CWF19L1: variants seen among roughly 807,000 people sequenced by gnomAD.
CWF19L1 encodes the protein CWF19-like protein 1.
A neutral mutation model predicts 69.7 loss-of-function variants in CWF19L1; 60 were observed. That is an observed-to-expected ratio of 0.86 (90% CI 0.70 to 1.07). The LOEUF is 1.07. Ranked by LOEUF, CWF19L1 falls within the 50% of genes least tolerant of loss-of-function variation. CWF19L1 has a pLI of 0.00. For synonymous variants in CWF19L1, 209 were observed against 222.2 expected (o/e 0.94, Z 0.53); for missense variants, 591 against 638.9 (o/e 0.92, Z 0.81).
At chr10:100,246,057 A>G (rs1254685719) in intron 8 of CWF19L1, 144 bp from the exon 9 acceptor site, 3 of 614,036 alleles carry the variant, frequency 4.9e-6, no homozygotes, top group African/African-American at 1.8e-5. Flanking sequence ...GGGAAGCAAA[A>G]TATCTTCCCA....
chr10:100,238,561 C>G (rs1351095332), intron 10 of CWF19L1, among the ~76,000 whole-genome samples: 1 of 152,142 alleles, frequency 6.6e-6, no homozygotes, highest in African/African-American at 2.4e-5. Context: ...TTTTCCCTCC[C>G]ATGCTCCAAA....
chr10:100,246,622 AC>A (rs1846829425), intron 8 of CWF19L1, among the ~76,000 whole-genome samples, 172 bp downstream of exon 8: 1 of 152,222 alleles, frequency 6.6e-6, no homozygotes, highest in African/African-American at 2.4e-5. Context: ...ACCCCAAACT[AC>A]AATAAAAAAC....
Position 100,246,883 on chromosome 10 carries a change from A to C in CWF19L1, c.761T>G (p.Leu254Arg). Reference protein sequence around the residue: ...VPMKLMDAAELVKQPPDVTEN... With the variant: ...VPMKLMDAAERVKQPPDVTEN... ...AGTGACATCCGGAGGCTGTTTTACC[A>C]GTTCTGCTGCATCCATTAGCTTCAT... Residue 254 changes from leucine (L) to arginine (R), a missense_variant, in exon 8 of 14, where the codon CTG becomes CGG. This residue lies in a region of CWF19L1 where 458 missense variants were observed against 489.3 expected (regional missense o/e 0.94). Coordinates refer to ENST00000354105, the MANE Select transcript of CWF19L1 (RefSeq NM_018294.6). The C allele has an allele frequency of 6.2e-7, 1 of 1,614,026 alleles. No homozygotes were observed. The highest frequency in any genetic ancestry group is 8.5e-7 in the Non-Finnish European group (1 of 1,179,890).
In CWF19L1 at chr10:100,245,799, G is replaced by T. The variant is rs557407789; in HGVS notation, c.964C>A (p.Pro322Thr). The T allele has an allele frequency of 4.3e-6, 7 of 1,610,456 alleles. No homozygotes were observed. The South Asian group carries it at 7.7e-5, about 18-fold the overall frequency. ...SPHPKQPRKP[P>T]QPPGPCWFCL... ...AAACCTCTGGAATAAAGGTACTTAC[G>T]AGGTTTGCGAGGCTGCTTTGGATGA... Residue 322 changes from proline to threonine, a missense_variant and splice_region_variant, in exon 9 of 14, where the codon CCT (proline) becomes ACT (threonine). Physicochemically the swap from Pro to Thr is conservative, Grantham distance 38 (BLOSUM62 -1). Around this residue, in one of 3 missense-constraint regions of CWF19L1, gnomAD observed 458 missense variants for 489.3 expected, o/e 0.94. Transcript: ENST00000354105.
intron 1 of CWF19L1, among the ~76,000 whole-genome samples, chr10:100,265,074 T>C (rs368686652): frequency 6.6e-5 from 10 of 151,808 alleles, no homozygotes; most frequent in East Asian, 1.9e-4. Flanking sequence ...TGAGCCGTGA[T>C]TGCACAATTG....
At chr10:100,236,765 G>T in intron 12 of CWF19L1, 85 bp downstream of exon 12, 1 of 1,491,166 alleles carries the variant, frequency 6.7e-7, no homozygotes, top group South Asian at 1.3e-5. Flanking sequence ...GCAAGACTCT[G>T]TCTCAAACAA....
At position 100,262,049 on chromosome 10, in the gene CWF19L1, T is replaced by A; in HGVS notation, c.38A>T (p.Asp13Val). 3 of 1,610,382 alleles carry A rather than the reference T, an allele frequency of 1.9e-6. No homozygotes were observed. Among genetic ancestry groups the A allele is most frequent in the Non-Finnish European group, 2.5e-6 (3 of 1,179,128 alleles). The change falls in exon 2 of 14, where the codon GAT becomes GTT. Residue 13 changes from aspartate to valine, a missense_variant. This residue lies in a region of CWF19L1 where 129 missense variants were observed against 131.3 expected (regional missense o/e 0.98). Coordinates refer to ENST00000354105, the MANE Select transcript of CWF19L1 (RefSeq NM_018294.6). ...TAAAATATCAAACTTTCCTTCAACA[T>A]CTCCACAAGCCAAGCTGCAAACAAA... ...QKPLRLLACG[D>V]VEGKFDILFN...
chr10:100,248,473 C>A, intron 7 of CWF19L1: 1 of 679,288 alleles, frequency 1.5e-6, no homozygotes. Flanking sequence ...GACTGCTGTT[C>A]TTGACCATGT....
chr10:100,237,366 T>C (rs1846479147), intron 11 of CWF19L1: 1 of 424,612 alleles, frequency 2.4e-6, no homozygotes, highest in South Asian at 1.8e-5. Context: ...GACTATTTCC[T>C]ACCACTAAGC....
chr10:100,247,106 T>G (rs1486846433), intron 7 of CWF19L1, among the ~76,000 whole-genome samples, 171 bp from the exon 8 acceptor site: 1 of 152,144 alleles, frequency 6.6e-6, no homozygotes, highest in Non-Finnish European at 1.5e-5. Flanking sequence ...CAAATGCCAA[T>G]TCAGTGGCCT....
intron 1 of CWF19L1, among the ~76,000 whole-genome samples, chr10:100,264,026 A>G (rs567754468): frequency 1.3e-5 from 2 of 152,346 alleles, no homozygotes; most frequent in African/African-American, 4.8e-5. Context: ...CACATATGTA[A>G]TGGTGGTCCC....
chr10:100,261,818 C>T (rs1847412039), intron 2 of CWF19L1, among the ~76,000 whole-genome samples, 161 bp downstream of exon 2: 1 of 152,146 alleles, frequency 6.6e-6, no homozygotes, highest in African/African-American at 2.4e-5. Context: ...ATAGGTCTCC[C>T]TCCCCCAGCC....
At chr10:100,249,531 ATTTCCCTC>A (rs1846951125) in intron 7 of CWF19L1, among the ~76,000 whole-genome samples, 1 of 151,998 alleles carries the variant, frequency 6.6e-6, no homozygotes, top group Admixed American at 6.5e-5. Context: ...TATCACTAAG[ATTTCCCTC>A]AGGAAATCTT....
At chr10:100,251,353 A>G (rs1020086653) in intron 6 of CWF19L1, among the ~76,000 whole-genome samples, 1 of 152,104 alleles carries the variant, frequency 6.6e-6, no homozygotes, top group African/African-American at 2.4e-5. Context: ...GAGGATTCCA[A>G]TTCCTCCACA....
In CWF19L1 at chr10:100,245,854, T is replaced by A; in HGVS notation, c.909A>T (p.Ser303=). The change falls in exon 9 of 14, where the codon TCA becomes TCT. Residue 303 remains serine (S), a synonymous_variant. Coordinates refer to ENST00000354105, the MANE Select transcript of CWF19L1 (RefSeq NM_018294.6). ...DLNEKQGRKR[S]STGRDSKSSP... ...AAGATTTGCTATCTCTACCTGTGGA[T>A]GAACGCTTCCTTCCCTGCTTTTCAT... 1 of 1,614,238 alleles carries A rather than the reference T, an allele frequency of 6.2e-7. No homozygotes were observed. Among genetic ancestry groups the A allele is most frequent in the Non-Finnish European group, 8.5e-7 (1 of 1,180,030 alleles).
chr10:100,235,273 A>G (rs1212084392), intron 13 of CWF19L1, among the ~76,000 whole-genome samples: 3 of 152,222 alleles, frequency 2.0e-5, no homozygotes, highest in Non-Finnish European at 4.4e-5. Flanking sequence ...TGAGTCATGT[A>G]TGTGTAAAGT....
rs1475901472 is a variant in CWF19L1 at position 100,255,273 on chromosome 10, C to A, written c.504+989G>T. ...GTGGCTCACGCCTGTAATCCCAGCA[C>A]TTTGGGAGGCCAAGGCGGGTGGATC... On this transcript the variant is annotated intron_variant, in intron 5 of 13. Transcript: ENST00000354105. 2.0e-5 allele frequency among the ~76,000 whole-genome samples: 3 copies of A among 152,232 alleles called. No homozygotes were observed. The East Asian group carries it at 5.8e-4, about 29-fold the overall frequency.
intron 6 of CWF19L1, 131 bp downstream of exon 6, chr10:100,253,290 T>A: frequency 1.7e-6 from 1 of 601,074 alleles, no homozygotes; most frequent in Non-Finnish European, 3.0e-6. Context: ...GACTTGAGAG[T>A]CACTTACTTC....
chr10:100,238,366 A>G (rs1564850262), intron 10 of CWF19L1, 135 bp from the exon 11 acceptor site: 1 of 715,942 alleles, frequency 1.4e-6, no homozygotes, highest in East Asian at 2.7e-5. Flanking sequence ...TTCTTTCTTG[A>G]AAAAATCTGA....
Sources: gnomAD v4.1 joint callset for allele counts (sites outside exome capture counted in the v4.1 genomes callset) on GRCh38, gnomAD v4.1.1 for gene constraint, gnomAD v4.1.1 regional missense constraint, MANE v1.5 for transcripts, NCBI Gene and HGNC (gene_info 2026-07-23, HGNC 2026-07-21) for gene names.